CSMD1: variants seen among roughly 807,000 people sequenced by gnomAD.
The protein encoded by CSMD1 is CUB and Sushi multiple domains 1.
CSMD1 carries 213 observed loss-of-function variants against 417.5 expected under a neutral mutation model. The ratio of observed to expected loss-of-function variants is 0.51; its 90% CI spans 0.46 to 0.57. The LOEUF is 0.57. Ranked by LOEUF, CSMD1 falls within the 20% of genes least tolerant of loss-of-function variation. The probability of loss-of-function intolerance (pLI) is 0.00; values close to 1 mark genes in which losing one functional copy is unlikely to be tolerated. For synonymous variants in CSMD1, 2,862 were observed against 1,736.8 expected, an observed-to-expected ratio of 1.65 and a Z score of -16.11; for missense variants, 6,923 against 4,529.7, an observed-to-expected ratio of 1.53 and a Z score of -15.17.
intron 2 of CSMD1, among the ~76,000 whole-genome samples, chr8:4,424,001 T>C (rs1038740958): frequency 1.3e-5 from 2 of 152,032 alleles, no homozygotes; most frequent in Admixed American, 6.6e-5. Context: ...CAATTGGATG[T>C]CCATAGCAAA....
At chr8:3,791,011 A>G (rs1288024189) in intron 5 of CSMD1, among the ~76,000 whole-genome samples, 1 of 152,242 alleles carries the variant, frequency 6.6e-6, no homozygotes, top group Non-Finnish European at 1.5e-5. Context: ...CAACACCTTC[A>G]GGTTATAAAG....
chr8:3,586,992 G>C (rs942708361), intron 8 of CSMD1, among the ~76,000 whole-genome samples: 1 of 152,124 alleles, frequency 6.6e-6, no homozygotes, highest in African/African-American at 2.4e-5. Context: ...TAGAGACAGA[G>C]TTTCACCATG....
chr8:4,521,652 C>T (rs1803455830), intron 2 of CSMD1, among the ~76,000 whole-genome samples: 1 of 151,970 alleles, frequency 6.6e-6, no homozygotes, highest in Non-Finnish European at 1.5e-5. Context: ...AAAAGGTGGC[C>T]CTCAGGTCCT....
At position 3,251,789 on chromosome 8, in the gene CSMD1, C is replaced by A. The variant is rs578046269; in HGVS notation, c.4154-21558G>T. 4.8e-4 allele frequency among the ~76,000 whole-genome samples: 73 copies of A among 152,164 alleles called. 1 individual carries two copies. The South Asian group carries it at 0.014, about 29-fold the overall frequency. On this transcript the variant is annotated intron_variant, in intron 26 of 69. Coordinates refer to ENST00000635120, the MANE Select transcript of CSMD1 (RefSeq NM_033225.6). ...TGAAGAGGTCCTTCACATCCCTTGT[C>A]AGTTGGATTCATATGTATTTTATTC...
At chr8:4,681,128 C>G (rs1028419283) in intron 1 of CSMD1, among the ~76,000 whole-genome samples, 4 of 152,006 alleles carry the variant, frequency 2.6e-5, no homozygotes, top group African/African-American at 7.2e-5. Flanking sequence ...TGAAAGCAAA[C>G]AATTTTTGAC....
chr8:4,478,301 G>C (rs143773139), intron 2 of CSMD1, among the ~76,000 whole-genome samples: 1 of 152,118 alleles, frequency 6.6e-6, no homozygotes, highest in Non-Finnish European at 1.5e-5. Context: ...GCAACTCAAA[G>C]CAACATGAGT....
chr8:3,281,326 C>G (rs1802720002), intron 26 of CSMD1, among the ~76,000 whole-genome samples: 1 of 151,996 alleles, frequency 6.6e-6, no homozygotes, highest in South Asian at 2.1e-4. Context: ...TGCTTGTAAT[C>G]CCAGCTACTC....
chr8:3,543,957 C>G (rs1798549081), intron 10 of CSMD1, among the ~76,000 whole-genome samples: 1 of 152,074 alleles, frequency 6.6e-6, no homozygotes, highest in Non-Finnish European at 1.5e-5. Flanking sequence ...CAAAGCAAAG[C>G]AACTGAGAAA....
chr8:4,203,323 G>C (rs763881307), intron 3 of CSMD1, among the ~76,000 whole-genome samples: 3 of 152,224 alleles, frequency 2.0e-5, no homozygotes, highest in East Asian at 1.9e-4. Context: ...TCGGCTCAGG[G>C]AGACCCATCT....
intron 1 of CSMD1, among the ~76,000 whole-genome samples, chr8:4,917,166 C>T (rs1346537487): frequency 6.6e-6 from 1 of 152,108 alleles, no homozygotes; most frequent in East Asian, 1.9e-4. Flanking sequence ...TTGGCTGGAG[C>T]AGGAGGAAGA....
At chr8:4,756,382 T>A (rs1273258633) in intron 1 of CSMD1, among the ~76,000 whole-genome samples, 1 of 152,196 alleles carries the variant, frequency 6.6e-6, no homozygotes, top group Non-Finnish European at 1.5e-5. Flanking sequence ...ACACTTGGTT[T>A]TTTTCTGACC....
At chr8:4,096,068 T>C (rs1800990923) in intron 3 of CSMD1, among the ~76,000 whole-genome samples, 2 of 151,214 alleles carry the variant, frequency 1.3e-5, no homozygotes, top group South Asian at 2.1e-4. Context: ...AACTACAGTG[T>C]TGTTTTATGT....
chr8:3,298,437 A>T (rs1029125938), intron 25 of CSMD1, among the ~76,000 whole-genome samples: 1 of 151,702 alleles, frequency 6.6e-6, no homozygotes, highest in South Asian at 2.1e-4. Context: ...GAGACACATA[A>T]TTAATAAAAC....
chr8:2,943,453 C>T (rs1802024322), intron 68 of CSMD1, among the ~76,000 whole-genome samples: 1 of 152,100 alleles, frequency 6.6e-6, no homozygotes, highest in Admixed American at 6.6e-5. Flanking sequence ...GTCTTGAACT[C>T]CTGACTTCAA....
chr8:4,213,478 T>G (rs575502235), intron 3 of CSMD1, among the ~76,000 whole-genome samples: 1 of 152,336 alleles, frequency 6.6e-6, no homozygotes, highest in Non-Finnish European at 1.5e-5. Context: ...GGCCAGTTAC[T>G]AGAATGAAAA....
intron 5 of CSMD1, among the ~76,000 whole-genome samples, chr8:3,990,115 A>G (rs1814632919): frequency 6.6e-6 from 1 of 152,212 alleles, no homozygotes; most frequent in African/African-American, 2.4e-5. Flanking sequence ...TTTAAATGAG[A>G]AATTTATTTA....
intron 50 of CSMD1, among the ~76,000 whole-genome samples, chr8:3,031,264 C>T (rs1186211071): frequency 7.4e-6 from 1 of 135,358 alleles, no homozygotes; most frequent in East Asian, 2.2e-4. Context: ...AATTGAACAA[C>T]AAGATCACAT....
At chr8:4,736,848 G>C (rs1470905402) in intron 1 of CSMD1, among the ~76,000 whole-genome samples, 1 of 152,072 alleles carries the variant, frequency 6.6e-6, no homozygotes, top group Non-Finnish European at 1.5e-5. Context: ...TAAGAAAATA[G>C]CTCCTACCTA....
rs73514625 is a variant in CSMD1, at chr8:4,467,174, G to A, written c.303-47109C>T. The stretch of plus-strand genomic sequence containing the variant: ...AAGAAAAAACAAATGTTGACAACTC[G>A]TTCTGTAAACAATGTTCAAAGTCCT... On this transcript the variant is annotated intron_variant, in intron 2 of 69. Coordinates refer to ENST00000635120, the MANE Select transcript of CSMD1 (RefSeq NM_033225.6). 9.3e-3 allele frequency among the ~76,000 whole-genome samples: 1,392 copies of A among 149,746 alleles called. 20 individuals are homozygous for A. The highest frequency in any genetic ancestry group is 0.032 in the African/African-American group (1,311 of 40,756).
Sources: allele counts gnomAD v4.1 joint callset (sites outside exome capture counted in the v4.1 genomes callset), GRCh38; gene constraint gnomAD v4.1.1; transcripts MANE v1.5; gene names NCBI Gene and HGNC (gene_info 2026-07-23, HGNC 2026-07-21).